ALS2CL: variants seen among roughly 807,000 people sequenced by gnomAD.
The protein encoded by ALS2CL is ALS2 C-terminal-like protein.
A neutral mutation model predicts 127.9 loss-of-function variants in ALS2CL; 112 were observed. The observed-to-expected ratio is 0.88, with a 90% CI of 0.75 to 1.02. ALS2CL has a LOEUF of 1.02. ALS2CL is among the 50% of genes least tolerant of loss of function. ALS2CL has a pLI of 0.00. For synonymous variants in ALS2CL, 519 were observed against 527.6 expected, an observed-to-expected ratio of 0.98 and a Z score of 0.22; for missense variants, 1,174 against 1,236.7, an observed-to-expected ratio of 0.95 and a Z score of 0.76.
At chr3:46,684,110 C>G in intron 7 of ALS2CL, 63 bp from the exon 8 acceptor site, 1 of 1,532,764 alleles carries the variant, frequency 6.5e-7, no homozygotes, top group Non-Finnish European at 8.8e-7. Flanking sequence ...TACCCTCTGG[C>G]CAAGGCTTGC....
At chr3:46,691,679 C>T (rs975126362) in intron 1 of ALS2CL, among the ~76,000 whole-genome samples, 1 of 151,822 alleles carries the variant, frequency 6.6e-6, no homozygotes, top group African/African-American at 2.4e-5. Context: ...TCAACCAGAT[C>T]ACAGCATTTT....
At position 46,686,355 on chromosome 3, in the gene ALS2CL, C is replaced by G; in HGVS notation, c.619G>C (p.Ala207Pro). Residue 207 changes from alanine (A) to proline (P), a missense_variant, in exon 6 of 26, where the codon GCT (alanine) becomes CCT (proline). Transcript: ENST00000318962. This position sits in a 1 kb window ranked among gnomAD's most constrained non-coding sequence, Gnocchi z 4.3. ...QSFMKQELDQAVATQALWHTL... is the reference protein window; with the variant it reads ...QSFMKQELDQPVATQALWHTL... ...TGCCAGAGAGCCTGTGTGGCCACAG[C>G]CTGGTCCAACTCCTGCTTCATGAAG... The G allele has an allele frequency of 6.2e-7, 1 of 1,613,632 alleles. No individual in the cohort carries two copies. Among genetic ancestry groups the G allele is most frequent in the Non-Finnish European group, 8.5e-7 (1 of 1,179,862 alleles).
rs115828716 is a variant in ALS2CL at position 46,676,006 on chromosome 3, C to T, written c.2186+239G>A. The T allele has an allele frequency of 3.9e-4, 557 of 1,417,350 alleles. 1 individual carries two copies. The African/African-American group carries it at 7.4e-3, about 19-fold the overall frequency. The allele number at this position is 1,417,350 out of a possible 1,614,324, so 87.8% of individuals were successfully genotyped here. On this transcript the variant is annotated intron_variant, in intron 19 of 25. Transcript: ENST00000318962. The stretch of plus-strand genomic sequence containing the variant: ...AGTGGGGTGAGAGTGCACCTGCGGT[C>T]AGAGTCAGCCCAGCGCCTGGTTGGG...
chr3:46,679,084 C>A, intron 15 of ALS2CL, 126 bp downstream of exon 15: 1 of 997,456 alleles, frequency 1.0e-6, no homozygotes, highest in Non-Finnish European at 1.5e-6. Flanking sequence ...GTGCCCACTC[C>A]TTGGCTCCAA....
intron 10 of ALS2CL, 78 bp from the exon 11 acceptor site, chr3:46,682,172 C>T: frequency 6.7e-7 from 1 of 1,481,590 alleles, no homozygotes. Flanking sequence ...TCTCAGACGC[C>T]CTCCCTTCCT....
At chr3:46,689,144 G>A (rs904810138) in intron 2 of ALS2CL, among the ~76,000 whole-genome samples, 194 bp downstream of exon 2, 2 of 152,206 alleles carry the variant, frequency 1.3e-5, no homozygotes, top group African/African-American at 2.4e-5. Flanking sequence ...CACAAGAATC[G>A]CTTGAACCTG....
intron 24 of ALS2CL, 80 bp from the exon 25 acceptor site, chr3:46,671,664 C>T (rs1453030249): frequency 6.2e-6 from 10 of 1,604,672 alleles, no homozygotes; most frequent in Middle Eastern, 1.7e-4. Context: ...GGGGAAGGAG[C>T]GCTGGCCTGG....
chr3:46,685,644 C>A lies in ALS2CL; in HGVS notation c.667G>T (p.Asp223Tyr). Residue 223 changes from aspartate (D) to tyrosine (Y), a missense_variant and splice_region_variant, in exon 7 of 26, where the codon GAT becomes TAT. By Grantham distance (160) the Asp-to-Tyr change is radical. Transcript: ENST00000318962. Reference protein sequence around the residue: ...LWHTLRGRLRDVLCTPAHRLL... With the variant: ...LWHTLRGRLRYVLCTPAHRLL... The stretch of plus-strand genomic sequence containing the variant: ...CTGTGAGCAGGGGTGCAGAGCACAT[C>A]CTGGTGGGGCAAAGAGGACAGTACA... The A allele has an allele frequency of 6.2e-7, 1 of 1,613,340 alleles. No homozygotes were observed. The highest frequency in any genetic ancestry group is 8.5e-7 in the Non-Finnish European group (1 of 1,179,708).
At chr3:46,678,000 C>CAA (rs527464518) in intron 16 of ALS2CL, among the ~76,000 whole-genome samples, 6,675 of 129,632 alleles carry the variant, frequency 0.051, 488 homozygotes, top group African/African-American at 0.16. Context: ...CCTTTCGAGA[C>CAA]AAAAAAAAAA....
intron 9 of ALS2CL, 63 bp downstream of exon 9, chr3:46,683,719 C>T: frequency 6.3e-7 from 1 of 1,578,578 alleles, no homozygotes; most frequent in Non-Finnish European, 8.7e-7. Flanking sequence ...TTGCATACTT[C>T]TGCCCTCTTC....
chr3:46,685,553 A>G lies in ALS2CL; in HGVS notation c.758T>C (p.Leu253Pro), dbSNP rs1699696707. ...VAPLRAERVLLFDDALVLLQG... is the reference protein window; with the variant it reads ...VAPLRAERVLPFDDALVLLQG... ...CAGCAGGACGAGGGCATCATCAAAG[A>G]GCAGCACACGCTCAGCCCGCAACGG... Residue 253 changes from leucine (L) to proline (P), a missense_variant, in exon 7 of 26, where the codon CTC becomes CCC. Transcript: ENST00000318962. 6.2e-7 allele frequency: 1 copy of G among 1,613,894 alleles called. No individual in the cohort carries two copies. Among genetic ancestry groups the G allele is most frequent in the African/African-American group, 1.3e-5 (1 of 74,924 alleles).
In ALS2CL at chr3:46,681,439, T is replaced by C; in HGVS notation, c.1275-32A>G. The C allele has an allele frequency of 9.9e-6, 16 of 1,610,532 alleles. No homozygotes were observed. The highest frequency in any genetic ancestry group is 1.4e-5 in the Non-Finnish European group (16 of 1,177,282). On this transcript the variant is annotated intron_variant, in intron 12 of 25. Coordinates refer to ENST00000318962, the MANE Select transcript of ALS2CL (RefSeq NM_147129.5). This position sits in a 1 kb window ranked among gnomAD's most constrained non-coding sequence, Gnocchi z 4.9. ...AGGGCCATCAACAACGAGCTCTGCC[T>C]CATGGAGCTCAGCCCAGAGGATGGG... is the stretch of plus-strand genomic sequence containing the variant.
chr3:46,689,823 T>C (rs1206796214), intron 1 of ALS2CL, among the ~76,000 whole-genome samples: 1 of 152,206 alleles, frequency 6.6e-6, no homozygotes, highest in Non-Finnish European at 1.5e-5. Context: ...AGTGCCCTGG[T>C]CTTAGCCTCC....
At chr3:46,679,318 A>T (rs1164568930) in intron 14 of ALS2CL, 31 bp from the exon 15 acceptor site, 1 of 1,532,106 alleles carries the variant, frequency 6.5e-7, no homozygotes, top group Admixed American at 1.9e-5. Flanking sequence ...GAGGGTAGAA[A>T]GGGTGGGTGA....
At chr3:46,684,155 T>C in intron 7 of ALS2CL, 108 bp from the exon 8 acceptor site, 1 of 1,294,252 alleles carries the variant, frequency 7.7e-7, no homozygotes, top group Admixed American at 2.0e-5. Context: ...CCAAGGCTAT[T>C]CTGCCCAGCA....
At chr3:46,675,142 C>T in intron 20 of ALS2CL, 1 of 207,670 alleles carries the variant, frequency 4.8e-6, no homozygotes, top group Non-Finnish European at 9.6e-6. Context: ...TCCCTTGCCT[C>T]CTGCAAGGCA....
chr3:46,681,617 G>C lies in ALS2CL; in HGVS notation c.1176-19C>G. 6.2e-7 allele frequency: 1 copy of C among 1,613,516 alleles called. No individual in the cohort carries two copies. Among genetic ancestry groups the C allele is most frequent in the South Asian group, 1.1e-5 (1 of 91,072 alleles). ...GCCGAAGCTGACAGCATGGTTGTGG[G>C]GGTGGGGATCAGCCCTGACCTGAGA... On this transcript the variant is annotated intron_variant, in intron 11 of 25. Coordinates refer to ENST00000318962, the MANE Select transcript of ALS2CL (RefSeq NM_147129.5). This position sits in a 1 kb window ranked among gnomAD's most constrained non-coding sequence, Gnocchi z 4.9.
intron 22 of ALS2CL, 110 bp downstream of exon 22, chr3:46,673,229 C>CCCA: frequency 2.2e-6 from 2 of 925,110 alleles, no homozygotes; most frequent in Non-Finnish European, 3.1e-6. Context: ...CCACCCTGCC[C>CCCA]CTCCCCAGCT....
At chr3:46,680,975 G>T (rs1323385207) in intron 13 of ALS2CL, 1 of 591,702 alleles carries the variant, frequency 1.7e-6, no homozygotes, top group East Asian at 2.9e-5. Context: ...AGCCAGCAAG[G>T]GCTGCAGTTT....
Sources: allele counts gnomAD v4.1 joint callset (sites outside exome capture counted in the v4.1 genomes callset), GRCh38; gene constraint gnomAD v4.1.1; non-coding constraint Gnocchi (gnomAD v3.1); transcripts MANE v1.5; gene names NCBI Gene and HGNC (gene_info 2026-07-23, HGNC 2026-07-21).